Variants in HORMAD2 observed in about 807,000 individuals in gnomAD.
The protein encoded by HORMAD2 is HORMA domain-containing protein 2.
A neutral mutation model predicts 38.8 loss-of-function variants in HORMAD2; 45 were observed. That is an observed-to-expected ratio of 1.16 (90% CI 0.91 to 1.49). The LOEUF (loss-of-function observed/expected upper bound fraction) is 1.49. HORMAD2 is among the 40% of genes most tolerant of loss of function. The probability of loss-of-function intolerance (pLI) is 0.00; values close to 1 mark genes in which losing one functional copy is unlikely to be tolerated. For missense variants in HORMAD2, 338 were observed against 367.0 expected (o/e 0.92, Z 0.65); for synonymous variants, 126 against 122.8 (o/e 1.03, Z -0.17).
At chr22:30,107,381 T>C (rs182447572) in intron 5 of HORMAD2, among the ~76,000 whole-genome samples, 2 of 152,306 alleles carry the variant, frequency 1.3e-5, no homozygotes, top group East Asian at 3.9e-4. Context: ...GTAAATAGTA[T>C]TTATATTGTT....
chr22:30,088,802 T>G (rs1601500021), intron 1 of HORMAD2, among the ~76,000 whole-genome samples: 3 of 152,120 alleles, frequency 2.0e-5, no homozygotes, highest in Middle Eastern at 3.4e-3. Context: ...TTATTTATTG[T>G]GTCTAAGACT....
At chr22:30,131,816 C>T (rs1299805633) in intron 10 of HORMAD2, among the ~76,000 whole-genome samples, 1 of 152,042 alleles carries the variant, frequency 6.6e-6, no homozygotes, top group Admixed American at 6.6e-5. Flanking sequence ...TTTATGAATT[C>T]CACAAAAGAA....
intron 5 of HORMAD2, among the ~76,000 whole-genome samples, chr22:30,110,075 A>C (rs1424440001): frequency 6.6e-6 from 1 of 152,228 alleles, no homozygotes; most frequent in Non-Finnish European, 1.5e-5. Context: ...CAGTACAACA[A>C]TAAAAATAAT....
chr22:30,080,408 G>C (rs1332656457), upstream of HORMAD2: 1 of 152,308 alleles, frequency 6.6e-6, no homozygotes, highest in Non-Finnish European at 1.5e-5. Context: ...GAAAGGCCTC[G>C]TTGACTATTC....
intron 5 of HORMAD2, among the ~76,000 whole-genome samples, chr22:30,106,739 C>T (rs1921229924): frequency 6.6e-6 from 1 of 152,298 alleles, no homozygotes; most frequent in South Asian, 2.1e-4. Context: ...TGGCACGTAA[C>T]CTACCTTTTG....
At chr22:30,085,131 G>A (rs1404266732) in intron 1 of HORMAD2, among the ~76,000 whole-genome samples, 1 of 149,838 alleles carries the variant, frequency 6.7e-6, no homozygotes, top group Non-Finnish European at 1.5e-5. Context: ...GGGCAACAGA[G>A]CCAGACTCCG....
intron 10 of HORMAD2, chr22:30,137,752 A>G (rs1198968747): frequency 6.5e-6 from 1 of 154,284 alleles, no homozygotes; most frequent in African/African-American, 2.4e-5. Context: ...TCATTACTTC[A>G]TCCCTTTTTA....
At chr22:30,170,586 C>T (rs1926050729) in intron 10 of HORMAD2, among the ~76,000 whole-genome samples, 1 of 152,072 alleles carries the variant, frequency 6.6e-6, no homozygotes, top group Non-Finnish European at 1.5e-5. Flanking sequence ...GGGACATTTC[C>T]TACCATCTCA....
chr22:30,200,180 G>A, the HORMAD2 span, among the ~76,000 whole-genome samples: 1 of 151,898 alleles, frequency 6.6e-6, no homozygotes, highest in Admixed American at 6.6e-5. Flanking sequence ...GCCTCCCAAA[G>A]TGTTGGGATT....
intron 10 of HORMAD2, among the ~76,000 whole-genome samples, chr22:30,151,224 C>CTGTT (rs775475068): frequency 3.2e-4 from 48 of 152,210 alleles, no homozygotes; most frequent in Non-Finnish European, 5.3e-4. Context: ...TTCTTTCTTT[C>CTGTT]TGTTTGTTTG....
the HORMAD2 span, among the ~76,000 whole-genome samples, chr22:30,183,606 T>C: frequency 3.9e-5 from 6 of 152,226 alleles, no homozygotes; most frequent in African/African-American, 1.4e-4. Context: ...ATATCTAAGA[T>C]ACAGAGAAGT....
intron 10 of HORMAD2, among the ~76,000 whole-genome samples, chr22:30,168,822 A>ACTC (rs995598992): frequency 1.3e-5 from 2 of 151,536 alleles, no homozygotes; most frequent in Non-Finnish European, 2.9e-5. Flanking sequence ...TTCTCGTCTT[A>ACTC]CTCCTCTCCA....
At chr22:30,134,855 G>C (rs1005146601) in intron 10 of HORMAD2, among the ~76,000 whole-genome samples, 9 of 152,078 alleles carry the variant, frequency 5.9e-5, no homozygotes, top group Non-Finnish European at 4.4e-5. Flanking sequence ...AAATTGATTA[G>C]AGGAAGAGAA....
chr22:30,112,947 G>A (rs1411011483), intron 7 of HORMAD2, among the ~76,000 whole-genome samples: 2 of 151,620 alleles, frequency 1.3e-5, no homozygotes, highest in East Asian at 1.9e-4. Context: ...AATGAGATAT[G>A]GCATAACTCT....
chr22:30,098,741 A>G, intron 2 of HORMAD2, 111 bp from the exon 3 acceptor site: 2 of 860,156 alleles, frequency 2.3e-6, no homozygotes, highest in Non-Finnish European at 3.4e-6. Flanking sequence ...ACCTTCAAAG[A>G]TATCAAATTT....
chr22:30,193,195 G>A, the HORMAD2 span, among the ~76,000 whole-genome samples: 189 of 152,254 alleles, frequency 1.2e-3, 3 homozygotes, highest in East Asian at 0.032. Flanking sequence ...AGAGACCGAG[G>A]CCTTTTAGTT....
At chr22:30,132,126 T>C (rs1923326077) in intron 10 of HORMAD2, among the ~76,000 whole-genome samples, 1 of 152,228 alleles carries the variant, frequency 6.6e-6, no homozygotes, top group Admixed American at 6.5e-5. Context: ...TTTTGAGGTA[T>C]AGTCTGATGA....
Position 30,176,455 on chromosome 22 carries a change from G to C in HORMAD2, c.*288G>C. 1 of 292,998 alleles carries C rather than the reference G, an allele frequency of 3.4e-6. No individual in the cohort carries two copies. Among genetic ancestry groups the C allele is most frequent in the Non-Finnish European group, 6.4e-6 (1 of 156,518 alleles). 18.1% of individuals were successfully genotyped at this position (292,998 alleles called of 1,614,324 possible). On this transcript the variant is annotated 3_prime_UTR_variant, in exon 11 of 11. Coordinates refer to ENST00000336726, the MANE Select transcript of HORMAD2 (RefSeq NM_152510.4). ...TTATATTTGTAAAAGAACCACAGCA[G>C]CTATTTTGGAAAGAAGCTGTTGTTC...
At chr22:30,111,913 G>C in intron 6 of HORMAD2, 97 bp downstream of exon 6, 1 of 882,800 alleles carries the variant, frequency 1.1e-6, no homozygotes, top group East Asian at 2.9e-5. Flanking sequence ...CTTCCTCCCT[G>C]ACTTTTTTTT....
Sources: gnomAD v4.1 joint callset for allele counts (sites outside exome capture counted in the v4.1 genomes callset) on GRCh38, gnomAD v4.1.1 for gene constraint, MANE v1.5 for transcripts, NCBI Gene and HGNC (gene_info 2026-07-23, HGNC 2026-07-21) for gene names.